Variants in ACADVL observed in about 807,000 individuals in gnomAD.
ACADVL encodes the protein acyl-CoA dehydrogenase very long chain.
Under a neutral mutation model 80.4 loss-of-function variants are expected in ACADVL, and 73 were observed. The ratio of observed to expected loss-of-function variants is 0.91; its 90% CI spans 0.75 to 1.10. ACADVL has a LOEUF of 1.10. ACADVL is among the 50% of genes least tolerant of loss of function. The pLI is 0.00. For synonymous variants in ACADVL, 392 were observed against 326.5 expected (o/e 1.20, Z -2.16); for missense variants, 878 against 858.9 (o/e 1.02, Z -0.28).
intron 18 of ACADVL, 34 bp downstream of exon 18, chr17:7,224,748 G>C: frequency 6.2e-7 from 1 of 1,612,364 alleles, no homozygotes; most frequent in Non-Finnish European, 8.5e-7. Flanking sequence ...CTGAGCCGCA[G>C]GGGGCCTGGG....
chr17:7,220,563 A>G, intron 3 of ACADVL, 34 bp downstream of exon 3: 1 of 1,614,218 alleles, frequency 6.2e-7, no homozygotes, highest in Non-Finnish European at 8.5e-7. Context: ...GACCTTAGCC[A>G]GACCCAACCA....
rs727503790 is a variant in ACADVL, at chr17:7,220,514, A to G, written c.189A>G (p.Lys63=). The G allele has an allele frequency of 9.9e-6, 16 of 1,614,206 alleles. No homozygotes were observed. In the Middle Eastern group the frequency reaches 1.3e-3, roughly 133 times the overall value. The change falls in exon 3 of 20, where the codon AAA becomes AAG. Residue 63 remains lysine (K), a synonymous_variant. Transcript: ENST00000356839. The part of the protein sequence containing the change: ...DSHPSDALTR[K]KPAKAESKSF... ...ACCCCTCTGACGCTCTGACCAGGAAAAAACCGGCCAAGGCGGTAGGTAGCC... is the reference window on the plus strand; with the variant it reads ...ACCCCTCTGACGCTCTGACCAGGAAGAAACCGGCCAAGGCGGTAGGTAGCC...
intron 13 of ACADVL, 27 bp from the exon 14 acceptor site, chr17:7,223,941 C>A: frequency 1.2e-6 from 2 of 1,613,510 alleles, no homozygotes; most frequent in Non-Finnish European, 1.7e-6. Flanking sequence ...TCAGCACGGG[C>A]ATATAATTTG....
chr17:7,224,719 G>GGAGGCAGGCAGGGAATGCCT lies in ACADVL; in HGVS notation c.1751+9_1751+28dup. 3.7e-6 allele frequency: 6 copies of GGAGGCAGGCAGGGAATGCCT among 1,604,894 alleles called. No individual in the cohort carries two copies. Among genetic ancestry groups the GGAGGCAGGCAGGGAATGCCT allele is most frequent in the Non-Finnish European group, 5.1e-6 (6 of 1,175,898 alleles). ...CATGGTGGTGGTTCTCTCGAGGTGAGGAGGCAGGCAGGGAATGCCTGAGCC... is the reference window on the plus strand; with the variant it reads ...CATGGTGGTGGTTCTCTCGAGGTGAGGAGGCAGGCAGGGAATGCCTGAGGCAGGCAGGGAATGCCTGAGCC... On this transcript the variant is annotated splice_donor_region_variant and intron_variant, in intron 18 of 19. Transcript: ENST00000356839.
upstream of ACADVL, chr17:7,219,532 T>C (rs2071083377): frequency 9.3e-7 from 1 of 1,076,442 alleles, no homozygotes; most frequent in South Asian, 2.7e-5. Context: ...TTGGCCGAGA[T>C]AGATTTCATC....
intron 6 of ACADVL, 102 bp from the exon 7 acceptor site, chr17:7,221,436 G>C (rs907034423): frequency 5.0e-6 from 1 of 199,126 alleles, no homozygotes; most frequent in South Asian, 1.0e-4. Context: ...CCTAGGTCAG[G>C]AACTGCCCTA....
chr17:7,222,587 A>C, intron 9 of ACADVL, 80 bp from the exon 10 acceptor site: 1 of 1,408,664 alleles, frequency 7.1e-7, no homozygotes, highest in South Asian at 1.2e-5. Flanking sequence ...TCCCTGGTGC[A>C]TAAGGAGCGA....
At chr17:7,223,482 G>GA in intron 11 of ACADVL, 162 bp from the exon 12 acceptor site, 2 of 904,934 alleles carry the variant, frequency 2.2e-6, no homozygotes, top group Non-Finnish European at 3.7e-6. Context: ...CCCCTTTTAA[G>GA]AAAACAAATA....
At chr17:7,218,819 C>T (rs2142952670), upstream of ACADVL, 5 of 1,613,786 alleles carry the variant, frequency 3.1e-6, no homozygotes, top group African/African-American at 1.3e-5. Context: ...CACAAGGAGC[C>T]CTGTTTTTCA....
rs2071297089 is a variant in ACADVL, at chr17:7,222,851, A to G, written c.1063A>G (p.Ile355Val). 3.1e-6 allele frequency: 5 copies of G among 1,612,244 alleles called. No individual in the cohort carries two copies. Among genetic ancestry groups the G allele is most frequent in the Non-Finnish European group, 4.2e-6 (5 of 1,180,008 alleles). The stretch of plus-strand genomic sequence containing the variant: ...GGCCCTGGCAGGTACCATGAGAGGC[A>G]TCATTGCTAAGGCGGTGAGTACCCT... The part of the protein sequence containing the change: ...AAALAGTMRG[I>V]IAKAVDHATN... The change falls in exon 10 of 20, where the codon ATC (isoleucine) becomes GTC (valine). Residue 355 changes from isoleucine (I) to valine (V), a missense_variant. Transcript: ENST00000356839.
In ACADVL at chr17:7,221,430, G is replaced by A; in HGVS notation, c.478-108G>A. The A allele has an allele frequency of 8.5e-6, 4 of 473,016 alleles. No homozygotes were observed. The South Asian group carries it at 1.2e-4, about 14-fold the overall frequency. The allele number at this position is 473,016 out of a possible 1,614,324, so 29.3% of individuals were successfully genotyped here. On this transcript the variant is annotated intron_variant, in intron 6 of 19. Transcript: ENST00000356839. Reference sequence around the variant, plus strand: ...ATGGCCCAGGTCAGGCACTGCCCTAGGTCAGGAACTGCCCTAGGTCAGGAA... The same window carrying A: ...ATGGCCCAGGTCAGGCACTGCCCTAAGTCAGGAACTGCCCTAGGTCAGGAA...
chr17:7,222,603 C>T, intron 9 of ACADVL, 64 bp from the exon 10 acceptor site: 1 of 1,488,746 alleles, frequency 6.7e-7, no homozygotes, highest in Non-Finnish European at 9.2e-7. Context: ...AGCGAAGGAG[C>T]AGTTTTTCCC....
chr17:7,218,213 A>G (rs1236567004), upstream of ACADVL: 1 of 1,597,292 alleles, frequency 6.3e-7, no homozygotes, highest in Admixed American at 1.7e-5. Context: ...CCCCTCAGGA[A>G]GTTAGGCGCT....
At chr17:7,217,756 G>C (rs1308921229), upstream of ACADVL, 1 of 1,535,390 alleles carries the variant, frequency 6.5e-7, no homozygotes, top group Non-Finnish European at 8.7e-7. Context: ...CAGAAGCACA[G>C]AGGCCCCTGA....
chr17:7,219,915 A>G, upstream of ACADVL: 1 of 1,565,920 alleles, frequency 6.4e-7, no homozygotes, highest in Non-Finnish European at 8.6e-7. Flanking sequence ...TAGGGGCGCC[A>G]GGACGTGGGC....
chr17:7,220,833 A>G lies in ACADVL; in HGVS notation c.342+3A>G, dbSNP rs1186266619. 4 of 1,614,002 alleles carry G rather than the reference A, an allele frequency of 2.5e-6. No individual in the cohort carries two copies. Among genetic ancestry groups the G allele is most frequent in the Non-Finnish European group, 3.4e-6 (4 of 1,180,052 alleles). On this transcript the variant is annotated splice_donor_region_variant and intron_variant, in intron 5 of 19. Coordinates refer to ENST00000356839, the MANE Select transcript of ACADVL (RefSeq NM_000018.4). ...AGCCTGTGTCCCGTTTCTTCGAGGT[A>G]AGGAATGACTCGGGGCTTGGTCCCT... is the stretch of plus-strand genomic sequence containing the variant.
chr17:7,223,852 A>T lies in ACADVL; in HGVS notation c.1309A>T (p.Met437Leu). ...GGTGACAGATGAATGCATCCAAATC[A>T]TGGGGGGTATGGGCTTCATGAAGGT... ...WKVTDECIQI[M>L]GGMGFMKEPG... The change falls in exon 13 of 20, where the codon ATG becomes TTG. Residue 437 changes from methionine (M) to leucine (L), a missense_variant. Coordinates refer to ENST00000356839, the MANE Select transcript of ACADVL (RefSeq NM_000018.4). 6.2e-7 allele frequency: 1 copy of T among 1,613,942 alleles called. No homozygotes were observed. Among genetic ancestry groups the T allele is most frequent in the Non-Finnish European group, 8.5e-7 (1 of 1,179,974 alleles).
Position 7,223,153 on chromosome 17 carries a change from T to C in ACADVL, c.1098T>C (p.Arg366=), listed in dbSNP as rs2142982087. The change falls in exon 11 of 20, where the codon CGT becomes CGC. Residue 366 remains arginine, a synonymous_variant. Coordinates refer to ENST00000356839, the MANE Select transcript of ACADVL (RefSeq NM_000018.4). ...TCCAGGTAGATCATGCCACTAATCG[T>C]ACCCAGTTTGGGGAGAAAATTCACA... The part of the protein sequence containing the change: ...IAKAVDHATN[R]TQFGEKIHNF... 6.2e-7 allele frequency: 1 copy of C among 1,613,984 alleles called. No homozygotes were observed.
intron 11 of ACADVL, 192 bp downstream of exon 11, chr17:7,223,429 C>G (rs1377429507): frequency 1.3e-6 from 1 of 796,244 alleles, no homozygotes; most frequent in South Asian, 1.5e-5. Flanking sequence ...CAGGTGCCTG[C>G]CAGCAGTACC....
Sources: gnomAD v4.1 joint callset for allele counts on GRCh38, gnomAD v4.1.1 for gene constraint, MANE v1.5 for transcripts, NCBI Gene and HGNC (gene_info 2026-07-23, HGNC 2026-07-21) for gene names.